GNAQ: variants seen among roughly 807,000 people sequenced by gnomAD.
GNAQ encodes G protein subunit alpha q.
In GNAQ, 8 loss-of-function variants were observed where a neutral mutation model predicts 43.9. The ratio of observed to expected loss-of-function variants is 0.18; its 90% CI spans 0.11 to 0.33. GNAQ has a LOEUF of 0.33. Among genes scored for constraint, GNAQ ranks in the 10% least tolerant of loss-of-function variants. GNAQ has a pLI of 1.00. For synonymous variants in GNAQ, 155 were observed against 170.7 expected (o/e 0.91, Z 0.71); for missense variants, 158 against 450.8 (o/e 0.35, Z 5.88).
At chr9:77,910,532 T>G (rs1016558977) in intron 2 of GNAQ, among the ~76,000 whole-genome samples, 4 of 152,214 alleles carry the variant, frequency 2.6e-5, no homozygotes, top group Admixed American at 6.5e-5. Flanking sequence ...CTGGTCATTC[T>G]GCGCAGGTTT....
intron 1 of GNAQ, among the ~76,000 whole-genome samples, chr9:77,942,557 C>A (rs904630993): frequency 6.6e-6 from 1 of 152,088 alleles, no homozygotes; most frequent in Admixed American, 6.5e-5. Flanking sequence ...TTGTCCTAAT[C>A]AATGGAAACA....
At chr9:77,741,447 G>A (rs1825652905) in intron 5 of GNAQ, among the ~76,000 whole-genome samples, 1 of 152,100 alleles carries the variant, frequency 6.6e-6, no homozygotes, top group African/African-American at 2.4e-5. Context: ...CCTTAATTTT[G>A]TCCTTGTCTT....
intron 1 of GNAQ, among the ~76,000 whole-genome samples, chr9:77,957,163 C>G (rs539071128): frequency 1.3e-5 from 2 of 152,160 alleles, no homozygotes; most frequent in South Asian, 4.2e-4. Flanking sequence ...CGAGACCAGT[C>G]TGGCCAACAT....
chr9:78,007,900 A>C (rs559748434), intron 1 of GNAQ, among the ~76,000 whole-genome samples: 98 of 152,364 alleles, frequency 6.4e-4, no homozygotes, highest in African/African-American at 2.1e-3. Context: ...GTGTATCCCC[A>C]CTGTAAACCT....
chr9:78,000,042 G>A (rs945278879), intron 1 of GNAQ, among the ~76,000 whole-genome samples: 7 of 152,196 alleles, frequency 4.6e-5, no homozygotes, highest in African/African-American at 1.4e-4. Flanking sequence ...CATTAAAAGA[G>A]AAATTTACTT....
intron 1 of GNAQ, among the ~76,000 whole-genome samples, chr9:77,926,124 A>G (rs886532828): frequency 2.0e-5 from 3 of 152,180 alleles, no homozygotes; most frequent in African/African-American, 4.8e-5. Context: ...ATCAACAAAG[A>G]AAAAAACTCA....
chr9:77,834,713 G>A (rs953947190), intron 2 of GNAQ, among the ~76,000 whole-genome samples: 4 of 152,138 alleles, frequency 2.6e-5, no homozygotes, highest in Admixed American at 1.3e-4. Flanking sequence ...TACCAGAAAG[G>A]TAGTGACTTC....
At chr9:77,796,019 T>C (rs1019811384) in intron 4 of GNAQ, among the ~76,000 whole-genome samples, 6 of 152,196 alleles carry the variant, frequency 3.9e-5, no homozygotes, top group African/African-American at 1.2e-4. Flanking sequence ...TTTTGTAACA[T>C]GGAGGAAGGA....
At chr9:78,016,141 T>C (rs575536828) in intron 1 of GNAQ, among the ~76,000 whole-genome samples, 2 of 152,142 alleles carry the variant, frequency 1.3e-5, no homozygotes, top group African/African-American at 2.4e-5. Context: ...AAACTCTTAG[T>C]AGAAAAGAGA....
intron 2 of GNAQ, among the ~76,000 whole-genome samples, chr9:77,906,827 C>T (rs1169887787): frequency 1.3e-5 from 2 of 152,170 alleles, no homozygotes; most frequent in Non-Finnish European, 2.9e-5. Context: ...TATCTTTCTA[C>T]AATCTAAGAA....
intron 2 of GNAQ, among the ~76,000 whole-genome samples, chr9:77,908,608 A>C (rs1304906867): frequency 1.3e-5 from 2 of 152,192 alleles, no homozygotes; most frequent in Admixed American, 1.3e-4. Context: ...ATACAAAGTG[A>C]ATACTATTAT....
At chr9:77,990,224 G>A (rs536215651) in intron 1 of GNAQ, among the ~76,000 whole-genome samples, 1 of 152,194 alleles carries the variant, frequency 6.6e-6, no homozygotes, top group South Asian at 2.1e-4. Flanking sequence ...TTATTTTATT[G>A]TATTTCTTTC....
chr9:77,983,957 C>A (rs1823400342), intron 1 of GNAQ, among the ~76,000 whole-genome samples: 1 of 143,878 alleles, frequency 7.0e-6, no homozygotes, highest in South Asian at 2.3e-4. Flanking sequence ...AATAAAAGAT[C>A]TAACACGTTG....
chr9:77,765,524 A>G (rs1262047667), intron 5 of GNAQ, among the ~76,000 whole-genome samples: 7 of 152,244 alleles, frequency 4.6e-5, no homozygotes, highest in Admixed American at 4.6e-4. Flanking sequence ...AAGCCGTTCG[A>G]CAAAACTAAT....
At chr9:77,762,249 T>TG (rs1443661217) in intron 5 of GNAQ, among the ~76,000 whole-genome samples, 44 of 92,946 alleles carry the variant, frequency 4.7e-4, no homozygotes, top group African/African-American at 1.5e-3. Flanking sequence ...GGAGGGAGGT[T>TG]GGGGGGTCAG....
rs76720564 is a variant in GNAQ, at chr9:78,029,185, G to T, written c.136+1915C>A. On this transcript the variant is annotated intron_variant, in intron 1 of 6. Coordinates refer to ENST00000286548, the MANE Select transcript of GNAQ (RefSeq NM_002072.5). Reference sequence around the variant, plus strand: ...CCCTGGGCTTTAACTCTTAGCTGCTGGGAAACTCAGAGCTGTCACTTTTCA... The same window carrying T: ...CCCTGGGCTTTAACTCTTAGCTGCTTGGAAACTCAGAGCTGTCACTTTTCA... Among the ~76,000 whole-genome samples, 783 of 152,030 alleles carry T rather than the reference G, an allele frequency of 5.2e-3. 9 individuals carry two copies. The highest frequency in any genetic ancestry group is 0.018 in the African/African-American group (747 of 41,452).
intron 1 of GNAQ, among the ~76,000 whole-genome samples, chr9:77,965,286 A>G (rs1823152792): frequency 6.6e-6 from 1 of 152,108 alleles, no homozygotes; most frequent in Admixed American, 6.6e-5. Flanking sequence ...CTCACCCTCA[A>G]AAACCATTCA....
intron 5 of GNAQ, among the ~76,000 whole-genome samples, chr9:77,775,432 CAG>C (rs145133046): frequency 0.12 from 16,055 of 128,636 alleles, 923 homozygotes; most frequent in East Asian, 0.26. Context: ...TTTTTTGAGA[CAG>C]AGTCTCGCTC....
intron 1 of GNAQ, among the ~76,000 whole-genome samples, chr9:78,003,871 G>A (rs1333150070): frequency 6.7e-6 from 1 of 150,272 alleles, no homozygotes; most frequent in Non-Finnish European, 1.5e-5. Flanking sequence ...AACTGCACTT[G>A]TAACACTTTG....
Sources: allele counts gnomAD v4.1 joint callset (sites outside exome capture counted in the v4.1 genomes callset), GRCh38; gene constraint gnomAD v4.1.1; transcripts MANE v1.5; gene names NCBI Gene and HGNC (gene_info 2026-07-23, HGNC 2026-07-21).